Variants in CNKSR2 observed in about 807,000 individuals in gnomAD.
CNKSR2 encodes the protein connector enhancer of kinase suppressor of Ras 2.
CNKSR2 carries 14 observed loss-of-function variants against 84.4 expected under a neutral mutation model. That is an observed-to-expected ratio of 0.17 (90% CI 0.11 to 0.26). The LOEUF (loss-of-function observed/expected upper bound fraction) is 0.26, where lower values mean the gene tolerates loss of function less well. Among genes scored for constraint, CNKSR2 ranks in the 10% least tolerant of loss-of-function variants. CNKSR2 has a pLI of 1.00. For synonymous variants in CNKSR2, 275 were observed against 277.9 expected (o/e 0.99, Z 0.10); for missense variants, 485 against 771.2 (o/e 0.63, Z 4.40).
chrX:21,644,137 G>A (rs2092699922), intron 20 of CNKSR2: 7 of 111,735 alleles, frequency 6.3e-5, no homozygotes, highest in Admixed American at 2.9e-4. Context: ...TAGCCCGGAA[G>A]CCTTAAAGCA....
chrX:21,622,331 G>A (rs1302491321), intron 20 of CNKSR2, among the ~76,000 whole-genome samples: 3 of 110,407 alleles, frequency 2.7e-5, no homozygotes, highest in Admixed American at 9.6e-5. Context: ...TTCATTTCTC[G>A]TAGCCTCTTA....
chrX:21,557,349 C>A (rs1222935553), intron 11 of CNKSR2, among the ~76,000 whole-genome samples: 2 of 110,950 alleles, frequency 1.8e-5, no homozygotes, highest in Non-Finnish European at 3.8e-5. Context: ...GTCCATAATT[C>A]TTAAAAACCT....
At chrX:21,476,772 A>G (rs1236373129) in intron 5 of CNKSR2, among the ~76,000 whole-genome samples, 1 of 112,016 alleles carries the variant, frequency 8.9e-6, no homozygotes, top group Non-Finnish European at 1.9e-5. Flanking sequence ...GATAATCAAT[A>G]TAGTATATAT....
At chrX:21,495,255 C>A (rs1341628644) in intron 6 of CNKSR2, 1 of 111,417 alleles carries the variant, frequency 9.0e-6, no homozygotes, top group Non-Finnish European at 1.9e-5. Context: ...GACTCCCCAG[C>A]CTCTCTGTGC....
At chrX:21,434,417 C>T (rs1159831620) in intron 3 of CNKSR2, among the ~76,000 whole-genome samples, 1 of 111,197 alleles carries the variant, frequency 9.0e-6, no homozygotes, top group Non-Finnish European at 1.9e-5. Context: ...TTGGTAAGTG[C>T]CAAATCACCT....
At chrX:21,389,592 A>C (rs2090019717) in intron 1 of CNKSR2, among the ~76,000 whole-genome samples, 2 of 112,132 alleles carry the variant, frequency 1.8e-5, no homozygotes. Flanking sequence ...CTTTCAAATA[A>C]AAAAGGGCAC....
intron 20 of CNKSR2, among the ~76,000 whole-genome samples, chrX:21,622,619 T>C (rs1178687828): frequency 8.9e-6 from 1 of 111,905 alleles, no homozygotes; most frequent in Non-Finnish European, 1.9e-5. Flanking sequence ...AATTACATAA[T>C]GTGTTTCTTT....
At chrX:21,415,472 T>C (rs1282946854) in intron 1 of CNKSR2, among the ~76,000 whole-genome samples, 2 of 109,777 alleles carry the variant, frequency 1.8e-5, no homozygotes, top group Non-Finnish European at 3.8e-5. Context: ...TTTCTAAATA[T>C]AAGATCATCT....
chrX:21,532,720 A>G (rs1478608373), intron 11 of CNKSR2, among the ~76,000 whole-genome samples: 2 of 111,966 alleles, frequency 1.8e-5, no homozygotes, highest in African/African-American at 6.5e-5. Flanking sequence ...AGATTTGCAG[A>G]TAAAGTTGCT....
intron 20 of CNKSR2, chrX:21,641,742 T>G: frequency 1.9e-6 from 2 of 1,050,824 alleles, no homozygotes; most frequent in Non-Finnish European, 2.4e-6. Context: ...AACAGACTTG[T>G]AAAAAGCTTA....
At chrX:21,410,219 C>T (rs1261095000) in intron 1 of CNKSR2, among the ~76,000 whole-genome samples, 1 of 111,053 alleles carries the variant, frequency 9.0e-6, no homozygotes, top group Non-Finnish European at 1.9e-5. Context: ...CCAACTAAAT[C>T]AAAATTTACT....
chrX:21,489,542 A>G (rs2091421611), intron 5 of CNKSR2, among the ~76,000 whole-genome samples: 1 of 111,994 alleles, frequency 8.9e-6, no homozygotes, highest in Admixed American at 9.5e-5. Context: ...TTAGGGCAGT[A>G]TATTTCAAGC....
At chrX:21,503,590 C>T (rs761269730) in intron 8 of CNKSR2, 13 of 183,466 alleles carry the variant, frequency 7.1e-5, no homozygotes, top group Non-Finnish European at 1.2e-4. Flanking sequence ...ATACTCCCTC[C>T]CAAAACTCAA....
chrX:21,408,913 A>G (rs1003768490), intron 1 of CNKSR2, among the ~76,000 whole-genome samples: 4 of 110,146 alleles, frequency 3.6e-5, no homozygotes, highest in African/African-American at 1.3e-4. Context: ...GGTTGCCAAC[A>G]ATATGAATGT....
intron 13 of CNKSR2, among the ~76,000 whole-genome samples, chrX:21,581,422 T>C (rs1446723949): frequency 8.9e-6 from 1 of 111,938 alleles, no homozygotes; most frequent in African/African-American, 3.2e-5. Context: ...TCATTGGTAA[T>C]GTGTGTTCCT....
intron 11 of CNKSR2, among the ~76,000 whole-genome samples, chrX:21,558,956 G>A (rs921588706): frequency 9.0e-5 from 10 of 111,239 alleles, no homozygotes; most frequent in African/African-American, 3.3e-4. Flanking sequence ...TGCTGAAGTA[G>A]AGTTTATTTC....
At position 21,471,727 on chromosome X, in the gene CNKSR2, C is replaced by T. The variant is rs751829198; in HGVS notation, c.561+920C>T. Among the ~76,000 whole-genome samples, 66 of 111,601 alleles carry T rather than the reference C, an allele frequency of 5.9e-4. No individual in the cohort carries two copies. The Admixed American group carries it at 6.1e-3, about 10-fold the overall frequency. On this transcript the variant is annotated intron_variant, in intron 5 of 21. Transcript: ENST00000379510. ...AGAAATGATACTGAATAATCCTCTG[C>T]TAATCCTCTCCCCCTCATTGTGCAG...
intron 13 of CNKSR2, among the ~76,000 whole-genome samples, chrX:21,581,723 T>TATTCAATTC (rs1279862980): frequency 8.9e-6 from 1 of 112,294 alleles, no homozygotes; most frequent in Non-Finnish European, 1.9e-5. Context: ...GGTGAGTAAC[T>TATTCAATTC]ATTCAATTCA....
intron 8 of CNKSR2, among the ~76,000 whole-genome samples, chrX:21,509,433 T>C (rs924816618): frequency 8.9e-6 from 1 of 112,139 alleles, no homozygotes; most frequent in Non-Finnish European, 1.9e-5. Flanking sequence ...TTCCCAAGAC[T>C]TTCTTCGAAT....
Sources: gnomAD v4.1 joint callset for allele counts (sites outside exome capture counted in the v4.1 genomes callset) on GRCh38, gnomAD v4.1.1 for gene constraint, MANE v1.5 for transcripts, NCBI Gene and HGNC (gene_info 2026-07-23, HGNC 2026-07-21) for gene names.